The following SEMA5B variants were observed in gnomAD, a reference collection of about 807,000 sequenced individuals.
SEMA5B encodes the protein semaphorin-5B.
A neutral mutation model predicts 135.0 loss-of-function variants in SEMA5B; 66 were observed. The observed-to-expected ratio is 0.49, with a 90% confidence interval of 0.40 to 0.60. SEMA5B has a LOEUF of 0.60. Ranked by LOEUF, SEMA5B falls within the 20% of genes least tolerant of loss-of-function variation. The pLI is 0.00. For missense variants in SEMA5B, 1,501 were observed against 1,566.3 expected, an observed-to-expected ratio of 0.96 and a Z score of 0.70; for synonymous variants, 690 against 639.5, an observed-to-expected ratio of 1.08 and a Z score of -1.19.
In SEMA5B at chr3:122,928,564, A is replaced by G. The variant is rs1242941416; in HGVS notation, c.589T>C (p.Phe197Leu). The G allele has an allele frequency of 8.9e-6, 14 of 1,565,698 alleles. No homozygotes were observed. Among genetic ancestry groups the G allele is most frequent in the Non-Finnish European group, 8.7e-7 (1 of 1,154,616 alleles). ...RVLIVAGRKV[F>L]MCGTNAFSPM... is the part of the protein sequence containing the mutation. Reference sequence around the variant, plus strand: ...GAAAAGGCATTGGTTCCACACATGAACACCTTCCGGCCGGCGACGATCAGG... The same window carrying G: ...GAAAAGGCATTGGTTCCACACATGAGCACCTTCCGGCCGGCGACGATCAGG... Residue 197 changes from phenylalanine to leucine, a missense_variant, in exon 7 of 23, where the codon TTC becomes CTC. Coordinates refer to ENST00000357599, the MANE Select transcript of SEMA5B (RefSeq NM_001031702.4).
intron 3 of SEMA5B, 25 bp downstream of exon 3, chr3:122,948,481 G>T (rs1161452964): frequency 1.3e-6 from 2 of 1,578,474 alleles, no homozygotes; most frequent in South Asian, 2.3e-5. Context: ...TTGCAAGACA[G>T]GGCCAAGTAG....
At chr3:122,942,028 C>A (rs1939585676) in intron 4 of SEMA5B, among the ~76,000 whole-genome samples, 1 of 152,210 alleles carries the variant, frequency 6.6e-6, no homozygotes, top group Non-Finnish European at 1.5e-5. Flanking sequence ...ACTAGGTGAA[C>A]CTTCAGTCAG....
chr3:122,954,871 C>A (rs1940213322), intron 2 of SEMA5B, among the ~76,000 whole-genome samples: 1 of 150,356 alleles, frequency 6.7e-6, no homozygotes, highest in Non-Finnish European at 1.5e-5. Context: ...ACAGCCACTG[C>A]AGCCTCAACC....
intron 1 of SEMA5B, among the ~76,000 whole-genome samples, chr3:123,013,840 G>A (rs983216816): frequency 7.9e-5 from 12 of 152,234 alleles, no homozygotes; most frequent in Non-Finnish European, 1.6e-4. Flanking sequence ...GGGAGCTGGA[G>A]GGTAAAGGAT....
At chr3:123,018,423 T>C (rs1012485520) in intron 1 of SEMA5B, among the ~76,000 whole-genome samples, 2 of 152,206 alleles carry the variant, frequency 1.3e-5, no homozygotes, top group Admixed American at 1.3e-4. Context: ...AGGAGCTTCT[T>C]TCACCAGACC....
chr3:122,933,893 GTTGT>G (rs1939111029), intron 5 of SEMA5B, among the ~76,000 whole-genome samples: 1 of 151,312 alleles, frequency 6.6e-6, no homozygotes, highest in African/African-American at 2.4e-5. Flanking sequence ...ATACTAATTG[GTTGT>G]TTATCATTAA....
At chr3:122,941,156 G>A (rs1320909862) in intron 4 of SEMA5B, among the ~76,000 whole-genome samples, 1 of 152,126 alleles carries the variant, frequency 6.6e-6, no homozygotes, top group Non-Finnish European at 1.5e-5. Flanking sequence ...AAGAAGGGAA[G>A]ACAATGTCAG....
chr3:122,917,995 A>T (rs1275906319), intron 12 of SEMA5B, among the ~76,000 whole-genome samples: 1 of 152,174 alleles, frequency 6.6e-6, no homozygotes, highest in Non-Finnish European at 1.5e-5. Context: ...AATTCAACCA[A>T]TGAGAACTCA....
chr3:123,016,639 A>G (rs897550765), intron 1 of SEMA5B, among the ~76,000 whole-genome samples: 2 of 152,156 alleles, frequency 1.3e-5, no homozygotes, highest in Non-Finnish European at 2.9e-5. Context: ...CAGTGATGCT[A>G]TCACAGTTCA....
intron 1 of SEMA5B, among the ~76,000 whole-genome samples, chr3:123,023,059 C>A (rs540811226): frequency 6.6e-6 from 1 of 152,254 alleles, no homozygotes; most frequent in South Asian, 2.1e-4. Context: ...CCAAAAGTCA[C>A]AGAGAGGGGG....
chr3:122,989,475 G>A (rs961405007), intron 1 of SEMA5B, among the ~76,000 whole-genome samples: 10 of 152,192 alleles, frequency 6.6e-5, no homozygotes, highest in Admixed American at 2.0e-4. Context: ...TCCTGATTCC[G>A]TGCCTGGTCT....
intron 2 of SEMA5B, 52 bp from the exon 3 acceptor site, chr3:122,948,761 T>C (rs1440819539): frequency 7.8e-7 from 1 of 1,280,632 alleles, no homozygotes; most frequent in Non-Finnish European, 1.1e-6. Context: ...CTGGGCCCAC[T>C]TCCCTCAATT....
chr3:122,921,055 C>G (rs2107634989), intron 12 of SEMA5B, among the ~76,000 whole-genome samples: 1 of 152,250 alleles, frequency 6.6e-6, no homozygotes, highest in East Asian at 1.9e-4. Flanking sequence ...GGCCTCTGCC[C>G]AGCTCCGAGC....
intron 1 of SEMA5B, among the ~76,000 whole-genome samples, chr3:123,006,477 C>T (rs1576405218): frequency 6.6e-6 from 1 of 152,220 alleles, no homozygotes; most frequent in African/African-American, 2.4e-5. Context: ...TAAATAAACA[C>T]TGAACACATT....
chr3:122,913,575 G>C lies in SEMA5B; in HGVS notation c.2239C>G (p.Arg747Gly). Residue 747 changes from arginine to glycine, a missense_variant, in exon 16 of 23, where the codon CGG becomes GGG. Around this residue, in one of 2 missense-constraint regions of SEMA5B, gnomAD observed 927 missense variants for 881.6 expected, o/e 1.05. Coordinates refer to ENST00000357599, the MANE Select transcript of SEMA5B (RefSeq NM_001031702.4). Reference sequence around the variant, plus strand: ...CAGGAGTTGCCGTTCTCGCAGGCCCGACGCCGCGACTGCATGCCCCCTCCA... The same window carrying C: ...CAGGAGTTGCCGTTCTCGCAGGCCCCACGCCGCGACTGCATGCCCCCTCCA... ...NCGGGMQSRR[R>G]ACENGNSCLG... 6.2e-7 allele frequency: 1 copy of C among 1,613,058 alleles called. No homozygotes were observed. The highest frequency in any genetic ancestry group is 8.5e-7 in the Non-Finnish European group (1 of 1,179,880).
chr3:122,993,907 C>T (rs1941954476), intron 1 of SEMA5B, among the ~76,000 whole-genome samples: 1 of 152,110 alleles, frequency 6.6e-6, no homozygotes, highest in Admixed American at 6.5e-5. Context: ...TTTTCCCAGC[C>T]CAGGTCCTTT....
At chr3:122,976,145 C>T in intron 1 of SEMA5B, 1 of 1,534,982 alleles carries the variant, frequency 6.5e-7, no homozygotes, top group Non-Finnish European at 8.7e-7. Flanking sequence ...ACTCTCATCA[C>T]TTCCTCACCC....
intron 1 of SEMA5B, among the ~76,000 whole-genome samples, chr3:122,984,587 T>C (rs1221933119): frequency 5.9e-5 from 9 of 152,180 alleles, no homozygotes; most frequent in Non-Finnish European, 1.3e-4. Context: ...CAAATAGTTT[T>C]CATTAAGAAT....
chr3:122,942,083 C>A (rs1939587875), intron 4 of SEMA5B, among the ~76,000 whole-genome samples: 1 of 152,176 alleles, frequency 6.6e-6, no homozygotes, highest in Admixed American at 6.5e-5. Flanking sequence ...TCACCATATA[C>A]TCCTTTGTAC....
Sources: allele counts gnomAD v4.1 joint callset (sites outside exome capture counted in the v4.1 genomes callset), GRCh38; gene constraint gnomAD v4.1.1; regional missense constraint gnomAD v4.1.1; transcripts MANE v1.5; gene names NCBI Gene and HGNC (gene_info 2026-07-23, HGNC 2026-07-21).